RRP1B: variants seen among roughly 807,000 people sequenced by gnomAD.
RRP1B encodes the protein ribosomal RNA processing 1B.
RRP1B carries 56 observed loss-of-function variants against 80.2 expected under a neutral mutation model. The ratio of observed to expected loss-of-function variants is 0.70; its 90% CI spans 0.56 to 0.87. The LOEUF (loss-of-function observed/expected upper bound fraction) is 0.87, where lower values mean the gene tolerates loss of function less well. Among genes scored for constraint, RRP1B ranks in the 40% least tolerant of loss-of-function variants. RRP1B has a pLI of 0.00. For synonymous variants in RRP1B, 351 were observed against 357.6 expected, an observed-to-expected ratio of 0.98 and a Z score of 0.21; for missense variants, 807 against 939.8, an observed-to-expected ratio of 0.86 and a Z score of 1.85.
chr21:43,671,243 C>G (rs2082998206), intron 2 of RRP1B, among the ~76,000 whole-genome samples: 1 of 152,160 alleles, frequency 6.6e-6, no homozygotes, highest in African/African-American at 2.4e-5. Context: ...CACCTTGTCT[C>G]TGAGCAAGCT....
chr21:43,675,229 T>G, intron 6 of RRP1B, 66 bp downstream of exon 6: 2 of 1,533,852 alleles, frequency 1.3e-6, no homozygotes, highest in Non-Finnish European at 1.8e-6. Context: ...TAGTCGCCAG[T>G]GAAGTGCTGT....
Position 43,693,484 on chromosome 21 carries a change from C to A in RRP1B, c.*101C>A, listed in dbSNP as rs958526023. ...CCTTTTTTATGATTTTGTAAGTTCCCATAAGTTGTGTGCACGAGGTTCTGA... is the reference window on the plus strand; with the variant it reads ...CCTTTTTTATGATTTTGTAAGTTCCAATAAGTTGTGTGCACGAGGTTCTGA... On this transcript the variant is annotated 3_prime_UTR_variant, in exon 16 of 16. Transcript: ENST00000340648. This position sits in a 1 kb window ranked among gnomAD's most constrained non-coding sequence, Gnocchi z 4.1. 12 of 1,241,092 alleles carry A rather than the reference C, an allele frequency of 9.7e-6. No individual in the cohort carries two copies. In the Admixed American group the frequency reaches 3.7e-4, roughly 39 times the overall value. The allele number at this position is 1,241,092 out of a possible 1,614,324, so 76.9% of individuals were successfully genotyped here. A position where few individuals can be genotyped will look rare whatever the true frequency, so the allele number is the denominator to read the frequency against.
chr21:43,685,893 C>T, intron 11 of RRP1B, 104 bp downstream of exon 11: 1 of 1,377,532 alleles, frequency 7.3e-7, no homozygotes, highest in Non-Finnish European at 1.0e-6. Flanking sequence ...AAGAACTTTA[C>T]TGAAAACCTC....
chr21:43,687,785 A>G lies in RRP1B; in HGVS notation c.1411A>G (p.Lys471Glu). Residue 471 changes from lysine (K) to glutamate (E), a missense_variant, in exon 13 of 16, where the codon AAA (lysine) becomes GAA (glutamate). Physicochemically the swap from Lys to Glu is moderately conservative, Grantham distance 56. Coordinates refer to ENST00000340648, the MANE Select transcript of RRP1B (RefSeq NM_015056.3). Reference protein sequence around the residue: ...EHPPAVPMHNKRKRPRKKSPR... With the variant: ...EHPPAVPMHNERKRPRKKSPR... Reference sequence around the variant, plus strand: ...TCCTCCAGCCGTCCCCATGCACAATAAAAGGAAACGGCCACGGAAGAAGAG... The same window carrying G: ...TCCTCCAGCCGTCCCCATGCACAATGAAAGGAAACGGCCACGGAAGAAGAG... 1 of 1,613,304 alleles carries G rather than the reference A, an allele frequency of 6.2e-7. No homozygotes were observed. The highest frequency in any genetic ancestry group is 8.5e-7 in the Non-Finnish European group (1 of 1,180,024).
Position 43,673,883 on chromosome 21 carries a change from T to G in RRP1B, c.285T>G (p.Ile95Met). Residue 95 changes from isoleucine (I) to methionine (M), a missense_variant, in exon 4 of 16, where the codon ATT (isoleucine) becomes ATG (methionine). Transcript: ENST00000340648. ...VNNSAAQHLF[I>M]QTFWQTMNRE... ...TGTTCACTGCAGAACACCTGTTCAT[T>G]CAGACCTTTTGGCAAACCATGAATC... is the stretch of plus-strand genomic sequence containing the variant. 1 of 1,613,446 alleles carries G rather than the reference T, an allele frequency of 6.2e-7. No homozygotes were observed. The highest frequency in any genetic ancestry group is 8.5e-7 in the Non-Finnish European group (1 of 1,179,562).
intron 8 of RRP1B, among the ~76,000 whole-genome samples, chr21:43,680,967 C>T (rs1704314866): frequency 6.6e-6 from 1 of 152,164 alleles, no homozygotes; most frequent in African/African-American, 2.4e-5. Context: ...AAGCCGGTTG[C>T]AGTGGCTCAT....
chr21:43,681,921 G>A (rs975995612), intron 8 of RRP1B, among the ~76,000 whole-genome samples: 37 of 152,240 alleles, frequency 2.4e-4, no homozygotes, highest in East Asian at 2.3e-3. Flanking sequence ...ACTGCACTGC[G>A]TCCTGGGCAA....
Position 43,676,334 on chromosome 21 carries a change from G to A in RRP1B, c.612G>A (p.Lys204=), listed in dbSNP as rs760072783. ...TCTGCAAAATTGCTGCGAAGACGAA[G>A]GAGTAAGTGATTCCCCTGTTCGTTC... ...DPFCKIAAKT[K]DHTLVQTIAR... is the part of the protein sequence containing the mutation. Residue 204 remains lysine (K), a splice_region_variant and synonymous_variant, in exon 7 of 16, where the codon AAG becomes AAA. Coordinates refer to ENST00000340648, the MANE Select transcript of RRP1B (RefSeq NM_015056.3). 9 of 1,609,328 alleles carry A rather than the reference G, an allele frequency of 5.6e-6. No homozygotes were observed. Among genetic ancestry groups the A allele is most frequent in the Non-Finnish European group, 7.7e-6 (9 of 1,175,884 alleles).
At chr21:43,668,778 C>A (rs1209672075) in intron 1 of RRP1B, among the ~76,000 whole-genome samples, 1 of 152,200 alleles carries the variant, frequency 6.6e-6, no homozygotes, top group Non-Finnish European at 1.5e-5. Flanking sequence ...AAGATTTCTC[C>A]TAGGATCTCC....
At chr21:43,669,853 T>C in intron 1 of RRP1B, 31 bp from the exon 2 acceptor site, 1 of 1,515,970 alleles carries the variant, frequency 6.6e-7, no homozygotes, top group South Asian at 1.1e-5. Flanking sequence ...ATGCATAGAC[T>C]CTAAGATGTT....
Position 43,659,759 on chromosome 21 carries a change from G to A in RRP1B, c.95G>A (p.Arg32His). The change falls in exon 1 of 16, where the codon CGC (arginine) becomes CAC (histidine). Residue 32 changes from arginine to histidine, a missense_variant. Coordinates refer to ENST00000340648, the MANE Select transcript of RRP1B (RefSeq NM_015056.3). The surrounding 1 kb of genome is among the most constrained non-coding windows in gnomAD (Gnocchi z 4.2). ...GIRDRAVKKL[R>H]QYISVKTQRE... ...CGGGACCGAGCGGTGAAGAAGCTGC[G>A]CCAGTACATCAGCGTGAAGACGCAG... is the stretch of plus-strand genomic sequence containing the variant. 1 of 1,523,378 alleles carries A rather than the reference G, an allele frequency of 6.6e-7. No homozygotes were observed. The allele number at this position is 1,523,378 out of a possible 1,614,324, so 94.4% of individuals were successfully genotyped here.
chr21:43,679,109 G>T (rs1030784613), intron 8 of RRP1B, among the ~76,000 whole-genome samples: 2 of 152,026 alleles, frequency 1.3e-5, no homozygotes, highest in African/African-American at 4.8e-5. Flanking sequence ...TGGTCTACAT[G>T]CCTATTTTTA....
At chr21:43,669,710 C>G (rs1192671325) in intron 1 of RRP1B, among the ~76,000 whole-genome samples, 174 bp from the exon 2 acceptor site, 6 of 152,014 alleles carry the variant, frequency 3.9e-5, no homozygotes, top group Non-Finnish European at 5.9e-5. Context: ...GCTGCAGGTA[C>G]AGTAGTAATT....
chr21:43,669,247 A>G (rs2082990194), intron 1 of RRP1B, among the ~76,000 whole-genome samples: 1 of 152,080 alleles, frequency 6.6e-6, no homozygotes, highest in Non-Finnish European at 1.5e-5. Flanking sequence ...GCCACAGTAA[A>G]TGATCACCGT....
At position 43,687,583 on chromosome 21, in the gene RRP1B, G is replaced by A; in HGVS notation, c.1209G>A (p.Lys403=). ...GTCTTCAAAAGAGAAGAAGGAAGAA[G>A]AAGAAGAAGCACCACCTGCAGCCTG... ...ESSLQKRRRK[K]KKKHHLQPEN... is the part of the protein sequence containing the mutation. Residue 403 remains lysine (K), a synonymous_variant, in exon 13 of 16, where the codon AAG becomes AAA. Transcript: ENST00000340648. 1 of 1,510,320 alleles carries A rather than the reference G, an allele frequency of 6.6e-7. No homozygotes were observed. Among genetic ancestry groups the A allele is most frequent in the South Asian group, 1.3e-5 (1 of 74,326 alleles). 93.6% of individuals were successfully genotyped at this position (1,510,320 alleles called of 1,614,324 possible). A position where few individuals can be genotyped will look rare whatever the true frequency, so the allele number is the denominator to read the frequency against.
chr21:43,686,978 G>A (rs1355745491), intron 12 of RRP1B, 43 bp downstream of exon 12: 5 of 1,603,002 alleles, frequency 3.1e-6, no homozygotes, highest in Middle Eastern at 1.7e-4. Context: ...TCAGCCCTTG[G>A]GGAGCGGCAT....
chr21:43,688,292 T>C (rs755041627), intron 13 of RRP1B, 52 bp downstream of exon 13: 20 of 1,473,002 alleles, frequency 1.4e-5, no homozygotes, highest in Admixed American at 2.5e-5. Flanking sequence ...CTCACTCGCG[T>C]CCATGGGGCT....
rs567628692 is a variant in RRP1B, at chr21:43,660,801, T to C, written c.130+1007T>C. Among the ~76,000 whole-genome samples the C allele has an allele frequency of 1.6e-3, 243 of 152,142 alleles. 2 individuals carry two copies. Among genetic ancestry groups the C allele is most frequent in the African/African-American group, 5.2e-3 (215 of 41,500 alleles). On this transcript the variant is annotated intron_variant, in intron 1 of 15. Coordinates refer to ENST00000340648, the MANE Select transcript of RRP1B (RefSeq NM_015056.3). Reference sequence around the variant, plus strand: ...GGGGGGCGAGTGTTATGAGATGAAGTTGGAGATGTAGGCAGTGGCCAGATC... The same window carrying C: ...GGGGGGCGAGTGTTATGAGATGAAGCTGGAGATGTAGGCAGTGGCCAGATC...
chr21:43,669,666 G>A (rs1465568650), intron 1 of RRP1B, among the ~76,000 whole-genome samples: 4 of 152,164 alleles, frequency 2.6e-5, no homozygotes, highest in African/African-American at 4.8e-5. Context: ...CTGAGGCCGG[G>A]CCACCACTGC....
Sources: gnomAD v4.1 joint callset for allele counts (sites outside exome capture counted in the v4.1 genomes callset) on GRCh38, gnomAD v4.1.1 for gene constraint, Gnocchi (gnomAD v3.1) non-coding constraint, MANE v1.5 for transcripts, NCBI Gene and HGNC (gene_info 2026-07-23, HGNC 2026-07-21) for gene names.